Variants in FGF14 observed in about 807,000 individuals in gnomAD.
The protein encoded by FGF14 is fibroblast growth factor homologous factor 4.
In FGF14, 5 loss-of-function variants were observed where a neutral mutation model predicts 25.5. The ratio of observed to expected loss-of-function variants is 0.20; its 90% CI spans 0.10 to 0.41. The LOEUF is 0.41. Ranked by LOEUF, FGF14 falls within the 10% of genes least tolerant of loss-of-function variation. The probability of loss-of-function intolerance (pLI) is 1.00; values close to 1 mark genes in which losing one functional copy is unlikely to be tolerated. For missense variants in FGF14, 222 were observed against 320.1 expected, an observed-to-expected ratio of 0.69 and a Z score of 2.34; for synonymous variants, 138 against 118.3, an observed-to-expected ratio of 1.17 and a Z score of -1.08.
chr13:101,763,392 G>GA (rs1248981124), intron 3 of FGF14, among the ~76,000 whole-genome samples: 1 of 152,154 alleles, frequency 6.6e-6, no homozygotes, highest in East Asian at 1.9e-4. Flanking sequence ...GGGATGGAAT[G>GA]AACAGTATTT....
intron 1 of FGF14, among the ~76,000 whole-genome samples, chr13:102,175,738 C>T (rs2048419218): frequency 6.6e-6 from 1 of 151,840 alleles, no homozygotes; most frequent in Non-Finnish European, 1.5e-5. Context: ...CCCAAATAAC[C>T]TCATTAAAGA....
At chr13:102,227,876 C>T (rs2050899237) in intron 1 of FGF14, among the ~76,000 whole-genome samples, 1 of 152,124 alleles carries the variant, frequency 6.6e-6, no homozygotes. Context: ...GTCTTGTCTG[C>T]TGAGCTACGT....
intron 1 of FGF14, among the ~76,000 whole-genome samples, chr13:102,391,745 T>C (rs1401637987): frequency 6.6e-6 from 1 of 152,240 alleles, no homozygotes; most frequent in African/African-American, 2.4e-5. Flanking sequence ...CATATTGTGT[T>C]ACTGCTTTCA....
chr13:101,943,755 C>A (rs2035599604), intron 1 of FGF14, among the ~76,000 whole-genome samples: 1 of 151,020 alleles, frequency 6.6e-6, no homozygotes, highest in Admixed American at 6.6e-5. Context: ...AGGCGGATCA[C>A]CTGAGTTCAG....
At chr13:102,264,738 T>C (rs2052901098) in intron 1 of FGF14, among the ~76,000 whole-genome samples, 1 of 151,776 alleles carries the variant, frequency 6.6e-6, no homozygotes, top group African/African-American at 2.4e-5. Context: ...AAACCTGGAG[T>C]CAGAGAAGTT....
chr13:102,005,071 A>G (rs2039709987), intron 1 of FGF14, among the ~76,000 whole-genome samples: 1 of 152,190 alleles, frequency 6.6e-6, no homozygotes, highest in Admixed American at 6.5e-5. Flanking sequence ...CAAAGAAGAG[A>G]TTGCATTAGG....
At chr13:101,789,738 T>C (rs931461184) in intron 3 of FGF14, among the ~76,000 whole-genome samples, 4 of 152,006 alleles carry the variant, frequency 2.6e-5, no homozygotes, top group South Asian at 2.1e-4. Flanking sequence ...TGAAACTTTT[T>C]ATAGATAGTA....
At chr13:102,038,939 T>C (rs1347776195) in intron 1 of FGF14, among the ~76,000 whole-genome samples, 3 of 152,170 alleles carry the variant, frequency 2.0e-5, no homozygotes, top group Non-Finnish European at 4.4e-5. Context: ...GTGATCCCAA[T>C]TGCTGAGTAT....
chr13:102,248,746 T>C lies in FGF14; in HGVS notation c.208+152725A>G, dbSNP rs529576260. The stretch of plus-strand genomic sequence containing the variant: ...GGCTTCAGGTGAAATACACAAAACA[T>C]ATTACATGCAGAAAGAAAAAGTGAA... On this transcript the variant is annotated intron_variant, in intron 1 of 4. Transcript: ENST00000376131. Among the ~76,000 whole-genome samples the C allele has an allele frequency of 2.0e-5, 3 of 152,146 alleles. No homozygotes were observed. The South Asian group carries it at 6.2e-4, about 32-fold the overall frequency.
At chr13:102,169,838 G>C (rs1393116756) in intron 1 of FGF14, among the ~76,000 whole-genome samples, 2 of 152,080 alleles carry the variant, frequency 1.3e-5, no homozygotes, top group Non-Finnish European at 2.9e-5. Context: ...ACACCACCCA[G>C]TCCAGCAGCC....
intron 1 of FGF14, among the ~76,000 whole-genome samples, chr13:101,937,758 C>G (rs75319096): frequency 0.033 from 5,092 of 152,178 alleles, 264 homozygotes; most frequent in African/African-American, 0.11. Context: ...CACCACCACG[C>G]CCAGCTATTT....
chr13:101,930,708 C>T (rs932856519), intron 1 of FGF14, among the ~76,000 whole-genome samples: 2 of 152,228 alleles, frequency 1.3e-5, no homozygotes, highest in Non-Finnish European at 2.9e-5. Context: ...CTCACACACA[C>T]ACTCACACAC....
chr13:102,325,458 A>G (rs1448872692), intron 1 of FGF14, among the ~76,000 whole-genome samples: 1 of 152,044 alleles, frequency 6.6e-6, no homozygotes, highest in Non-Finnish European at 1.5e-5. Context: ...GTCTTACCAC[A>G]CCCTCTTGTG....
intron 1 of FGF14, among the ~76,000 whole-genome samples, chr13:102,127,092 C>G (rs1355788462): frequency 6.6e-6 from 1 of 151,534 alleles, no homozygotes; most frequent in Non-Finnish European, 1.5e-5. Flanking sequence ...GGATGCCTGC[C>G]TCACTCATAT....
intron 1 of FGF14, among the ~76,000 whole-genome samples, chr13:102,269,978 GA>G (rs965688170): frequency 4.6e-5 from 7 of 152,154 alleles, no homozygotes; most frequent in African/African-American, 1.7e-4. Context: ...CAAAGGCAGG[GA>G]CCAGTTTTTT....
intron 1 of FGF14, among the ~76,000 whole-genome samples, chr13:102,296,839 T>A (rs989688773): frequency 5.3e-5 from 8 of 152,128 alleles, no homozygotes; most frequent in African/African-American, 1.2e-4. Context: ...GAAATCCTCA[T>A]AAAGAGGCCA....
At chr13:101,955,769 G>A (rs1366677821) in intron 1 of FGF14, among the ~76,000 whole-genome samples, 1 of 152,176 alleles carries the variant, frequency 6.6e-6, no homozygotes, top group Admixed American at 6.5e-5. Flanking sequence ...CAAGACCTTT[G>A]CTCCAACATA....
intron 3 of FGF14, among the ~76,000 whole-genome samples, chr13:101,788,804 T>A (rs1285224306): frequency 1.3e-5 from 2 of 148,402 alleles, no homozygotes; most frequent in Non-Finnish European, 3.0e-5. Context: ...TCTTTGCCCT[T>A]TTTTCCCAGG....
At chr13:102,059,230 C>T (rs1458876664) in intron 1 of FGF14, among the ~76,000 whole-genome samples, 2 of 152,192 alleles carry the variant, frequency 1.3e-5, no homozygotes, top group Non-Finnish European at 2.9e-5. Flanking sequence ...ACATCATCAA[C>T]TGGAGCAAGA....
Sources: gnomAD v4.1 joint callset for allele counts (sites outside exome capture counted in the v4.1 genomes callset) on GRCh38, gnomAD v4.1.1 for gene constraint, MANE v1.5 for transcripts, NCBI Gene and HGNC (gene_info 2026-07-23, HGNC 2026-07-21) for gene names.